PSMA1: variants seen among roughly 807,000 people sequenced by gnomAD.
PSMA1 encodes the protein proteasome 20S subunit alpha 1, also known as proteasome subunit alpha type-1.
In PSMA1, 3 loss-of-function variants were observed where a neutral mutation model predicts 38.4. The ratio of observed to expected loss-of-function variants is 0.08; its 90% CI spans 0.04 to 0.20. The LOEUF (loss-of-function observed/expected upper bound fraction) is 0.20, where lower values mean the gene tolerates loss of function less well. Ranked by LOEUF, PSMA1 falls within the 10% of genes least tolerant of loss-of-function variation. The pLI is 1.00. For missense variants in PSMA1, 227 were observed against 325.3 expected (o/e 0.70, Z 2.32); for synonymous variants, 101 against 107.1 (o/e 0.94, Z 0.35).
intron 4 of PSMA1, 110 bp from the exon 5 acceptor site, chr11:14,514,601 C>A: frequency 1.2e-6 from 1 of 834,114 alleles, no homozygotes. Flanking sequence ...TGGATAACAT[C>A]CATATAAGAA....
intron 1 of PSMA1, among the ~76,000 whole-genome samples, chr11:14,632,733 G>A (rs1334470562): frequency 3.4e-5 from 5 of 146,944 alleles, no homozygotes; most frequent in East Asian, 2.0e-4. Context: ...GATTGGGGAA[G>A]TTCTCCTGGA....
chr11:14,551,503 C>A (rs1589990396), intron 2 of PSMA1, among the ~76,000 whole-genome samples: 1 of 152,142 alleles, frequency 6.6e-6, no homozygotes, highest in Non-Finnish European at 1.5e-5. Flanking sequence ...AGTGTTCATC[C>A]AAGTGCTGTC....
chr11:14,587,819 G>A (rs1191358606), intron 2 of PSMA1, among the ~76,000 whole-genome samples: 2 of 152,012 alleles, frequency 1.3e-5, no homozygotes, highest in Admixed American at 6.6e-5. Flanking sequence ...CCATAGTTAG[G>A]ACTCAATAAA....
At chr11:14,627,735 T>G (rs894058338) in intron 1 of PSMA1, among the ~76,000 whole-genome samples, 4 of 152,246 alleles carry the variant, frequency 2.6e-5, no homozygotes, top group African/African-American at 9.6e-5. Context: ...ATAATATTTT[T>G]ATTGTTATCA....
intron 2 of PSMA1, among the ~76,000 whole-genome samples, chr11:14,575,732 G>A (rs1178769066): frequency 6.6e-6 from 1 of 152,154 alleles, no homozygotes; most frequent in Non-Finnish European, 1.5e-5. Flanking sequence ...GTGTGCATGT[G>A]TCTTTATAGC....
intron 2 of PSMA1, among the ~76,000 whole-genome samples, chr11:14,605,904 G>A (rs1165385937): frequency 2.0e-5 from 3 of 152,112 alleles, no homozygotes; most frequent in African/African-American, 7.2e-5. Flanking sequence ...ACTTGTCAAT[G>A]TTTGCTTTTG....
chr11:14,553,715 T>C (rs2134169949), intron 2 of PSMA1, among the ~76,000 whole-genome samples: 1 of 152,314 alleles, frequency 6.6e-6, no homozygotes, highest in Non-Finnish European at 1.5e-5. Flanking sequence ...TGTTTAGCCA[T>C]TCACCCATTG....
chr11:14,619,469 C>A (rs1486768824), intron 1 of PSMA1, among the ~76,000 whole-genome samples: 2 of 151,932 alleles, frequency 1.3e-5, no homozygotes, highest in African/African-American at 4.8e-5. Context: ...AGATTTATAC[C>A]ACATAAAGAG....
At chr11:14,521,505 G>A (rs1040167561), upstream of PSMA1, among the ~76,000 whole-genome samples, 1 of 130,294 alleles carries the variant, frequency 7.7e-6, no homozygotes, top group Admixed American at 7.9e-5. Context: ...AAAAAAAAAA[G>A]CCGGGCGCGG....
rs1851269319 is a variant in PSMA1 at position 14,507,715 on chromosome 11, C to T, written c.676G>A (p.Asp226Asn). The change falls in exon 9 of 10, where the codon GAT becomes AAT. Residue 226 changes from aspartate (D) to asparagine (N), a missense_variant. By Grantham distance (23) the Asp-to-Asn change is conservative. Transcript: ENST00000396394. ...GKDLEFTIYD[D>N]DDVSPFLEGL... is the part of the protein sequence containing the mutation. ...TCCAGGAATGGAGACACATCATCAT[C>T]ATCATAGATTGTAAACTCCAAGTCT... 1 of 1,613,168 alleles carries T rather than the reference C, an allele frequency of 6.2e-7. No individual in the cohort carries two copies. The highest frequency in any genetic ancestry group is 1.3e-5 in the African/African-American group (1 of 74,842).
chr11:14,600,386 T>C (rs1213967023), intron 2 of PSMA1, among the ~76,000 whole-genome samples: 1 of 152,206 alleles, frequency 6.6e-6, no homozygotes, highest in Non-Finnish European at 1.5e-5. Flanking sequence ...CTTGTTAAGC[T>C]GTTGTGGGCT....
chr11:14,587,304 G>C (rs1447468828), intron 2 of PSMA1, among the ~76,000 whole-genome samples: 1 of 152,138 alleles, frequency 6.6e-6, no homozygotes, highest in African/African-American at 2.4e-5. Flanking sequence ...GTGTCCTTTG[G>C]AATCTGGCGG....
At chr11:14,612,402 G>T (rs1039268700) in intron 1 of PSMA1, among the ~76,000 whole-genome samples, 2 of 152,076 alleles carry the variant, frequency 1.3e-5, no homozygotes, top group African/African-American at 4.8e-5. Flanking sequence ...TCAATTGAAA[G>T]TATGATCATA....
At position 14,517,924 on chromosome 11, in the gene PSMA1, C is replaced by T. The variant is rs2134150037; in HGVS notation, c.106G>A (p.Val36Ile). The change falls in exon 3 of 10, where the codon GTT becomes ATT. Residue 36 changes from valine to isoleucine, a missense_variant. Transcript: ENST00000396394. ...MEAVKQGSAT[V>I]GLKSKTHAVL... ...GCATGAGTTTTTGATTTCAGACCAACTGTGGCTGAACCTTGTTTAACAGCT... is the reference window on the plus strand; with the variant it reads ...GCATGAGTTTTTGATTTCAGACCAATTGTGGCTGAACCTTGTTTAACAGCT... 6.2e-7 allele frequency: 1 copy of T among 1,610,572 alleles called. No homozygotes were observed. The highest frequency in any genetic ancestry group is 8.5e-7 in the Non-Finnish European group (1 of 1,178,946).
chr11:14,529,083 A>G (rs1851618358), intron 2 of PSMA1, among the ~76,000 whole-genome samples: 1 of 151,470 alleles, frequency 6.6e-6, no homozygotes, highest in Non-Finnish European at 1.5e-5. Flanking sequence ...CAAGTTTGCA[A>G]TGAACTATGA....
chr11:14,532,772 A>C (rs974740055), intron 2 of PSMA1, among the ~76,000 whole-genome samples: 1 of 148,066 alleles, frequency 6.8e-6, no homozygotes, highest in African/African-American at 2.5e-5. Context: ...ACATGGCGAA[A>C]CCCCAGCTTC....
At chr11:14,561,464 GC>G (rs1371360424) in intron 2 of PSMA1, among the ~76,000 whole-genome samples, 3 of 152,282 alleles carry the variant, frequency 2.0e-5, no homozygotes, top group Non-Finnish European at 4.4e-5. Flanking sequence ...TCTGCCTTTG[GC>G]TTTTGCAGTC....
chr11:14,598,808 C>G (rs1852538625), intron 2 of PSMA1, among the ~76,000 whole-genome samples: 1 of 151,590 alleles, frequency 6.6e-6, no homozygotes, highest in Admixed American at 6.6e-5. Flanking sequence ...TTATTTTGCT[C>G]ATTATTTGAT....
chr11:14,522,581 G>A (rs186790283), upstream of PSMA1, among the ~76,000 whole-genome samples: 672 of 152,158 alleles, frequency 4.4e-3, 5 homozygotes, highest in African/African-American at 0.015. Flanking sequence ...AAGAAAACCT[G>A]TTTCTTTAAT....
Sources: allele counts gnomAD v4.1 joint callset (sites outside exome capture counted in the v4.1 genomes callset), GRCh38; gene constraint gnomAD v4.1.1; transcripts MANE v1.5; gene names NCBI Gene and HGNC (gene_info 2026-07-23, HGNC 2026-07-21).